The following LOXHD1 variants were observed in gnomAD, a reference collection of about 807,000 sequenced individuals.
LOXHD1 encodes lipoxygenase homology domain-containing protein 1.
In LOXHD1, 205 loss-of-function variants were observed where a neutral mutation model predicts 248.2. That is an observed-to-expected ratio of 0.83 (90% CI 0.74 to 0.93). The LOEUF (loss-of-function observed/expected upper bound fraction) is 0.93. Among genes scored for constraint, LOXHD1 ranks in the 40% least tolerant of loss-of-function variants. LOXHD1 has a pLI of 0.00. For synonymous variants in LOXHD1, 1,113 were observed against 1,162.8 expected (o/e 0.96, Z 0.87); for missense variants, 2,930 against 2,971.6 (o/e 0.99, Z 0.33).
rs548759916 is a variant in LOXHD1 at position 46,580,981 on chromosome 18, G to A, written c.1655-1197C>T. 4.6e-4 allele frequency among the ~76,000 whole-genome samples: 70 copies of A among 152,262 alleles called. No individual in the cohort carries two copies. In the South Asian group the frequency reaches 6.9e-3, roughly 15 times the overall value. On this transcript the variant is annotated intron_variant, in intron 12 of 40. Transcript: ENST00000642948. ...AGGAGCTGGATACATGGGGTGTAGC[G>A]GGTCAAGGTAAGAAGTGTGGCTTCC... is the stretch of plus-strand genomic sequence containing the variant.
rs1483184588 is a variant in LOXHD1, at chr18:46,571,078, G to A, written c.2047+1008C>T. ...TTGCCACAGGCATCTTATCTCCTGG[G>A]ATCCTTCCCAGATCTTAAATTCTGT... is the stretch of plus-strand genomic sequence containing the variant. On this transcript the variant is annotated intron_variant, in intron 15 of 40. Transcript: ENST00000642948. Among the ~76,000 whole-genome samples, 4 of 152,158 alleles carry A rather than the reference G, an allele frequency of 2.6e-5. No individual in the cohort carries two copies. The East Asian group carries it at 7.7e-4, about 29-fold the overall frequency.
intron 2 of LOXHD1, among the ~76,000 whole-genome samples, chr18:46,642,794 T>A (rs1312729999): frequency 6.6e-6 from 1 of 152,182 alleles, no homozygotes. Context: ...TGTCAACAGC[T>A]GTTCCATCCT....
chr18:46,624,415 G>T (rs575172328), intron 4 of LOXHD1, among the ~76,000 whole-genome samples: 2 of 152,352 alleles, frequency 1.3e-5, no homozygotes, highest in East Asian at 1.9e-4. Context: ...GTGGGGAGGG[G>T]TTGGTCCGCA....
intron 37 of LOXHD1, among the ~76,000 whole-genome samples, chr18:46,489,368 A>G (rs1482555774): frequency 6.6e-6 from 1 of 152,218 alleles, no homozygotes; most frequent in East Asian, 1.9e-4. Flanking sequence ...CTTTGGGTTC[A>G]TGAACCCTAG....
intron 37 of LOXHD1, among the ~76,000 whole-genome samples, chr18:46,499,785 G>A (rs2034109463): frequency 6.6e-6 from 1 of 152,078 alleles, no homozygotes; most frequent in African/African-American, 2.4e-5. Context: ...TACATACAGT[G>A]GCTTAAATAT....
chr18:46,577,211 G>A (rs1317634843), intron 14 of LOXHD1, among the ~76,000 whole-genome samples: 1 of 152,140 alleles, frequency 6.6e-6, no homozygotes, highest in Non-Finnish European at 1.5e-5. Flanking sequence ...AAGTCAATGG[G>A]AGCCCAAATG....
In LOXHD1 at chr18:46,533,242, G is replaced by A. The variant is rs1403788651; in HGVS notation, c.4295C>T (p.Pro1432Leu). The A allele has an allele frequency of 3.2e-6, 5 of 1,551,764 alleles. No individual in the cohort carries two copies. In the East Asian group the frequency reaches 1.2e-4, roughly 38 times the overall value. ...GTATTTCTCAGTGAAGATGTCATAT[G>A]GAACCAGTTCTCGAATGGTCTTTTT... ...DDKKTIRELV[P>L]YDIFTEKYMK... Residue 1432 changes from proline (P) to leucine (L), a missense_variant, in exon 28 of 41, where the codon CCA becomes CTA. Transcript: ENST00000642948.
intron 4 of LOXHD1, among the ~76,000 whole-genome samples, chr18:46,639,099 T>C (rs1380637120): frequency 6.6e-6 from 1 of 152,184 alleles, no homozygotes; most frequent in African/African-American, 2.4e-5. Context: ...ATTTAAGGCC[T>C]TTGCCCAGAG....
At chr18:46,490,562 G>A (rs887132551) in intron 37 of LOXHD1, among the ~76,000 whole-genome samples, 12 of 152,110 alleles carry the variant, frequency 7.9e-5, no homozygotes, top group South Asian at 2.1e-4. Flanking sequence ...CGCAACCTCC[G>A]CCTCCCAGGT....
At chr18:46,570,482 C>G (rs1321325454) in intron 15 of LOXHD1, among the ~76,000 whole-genome samples, 2 of 152,190 alleles carry the variant, frequency 1.3e-5, no homozygotes. Flanking sequence ...CACACCTTGC[C>G]TAGGGACCAG....
At chr18:46,535,005 G>A (rs977860443) in intron 26 of LOXHD1, among the ~76,000 whole-genome samples, 1 of 152,046 alleles carries the variant, frequency 6.6e-6, no homozygotes, top group Non-Finnish European at 1.5e-5. Context: ...ACCCATACCT[G>A]CTCAACCTCG....
At chr18:46,531,517 G>C (rs1285468880) in intron 28 of LOXHD1, among the ~76,000 whole-genome samples, 1 of 152,166 alleles carries the variant, frequency 6.6e-6, no homozygotes, top group African/African-American at 2.4e-5. Flanking sequence ...CTAGGAGCCT[G>C]TGTCCCAGAG....
chr18:46,542,344 C>A (rs1016347653), intron 24 of LOXHD1, among the ~76,000 whole-genome samples: 2 of 152,140 alleles, frequency 1.3e-5, no homozygotes, highest in African/African-American at 4.8e-5. Flanking sequence ...AGGAATGAAG[C>A]AATTGAATCA....
intron 4 of LOXHD1, among the ~76,000 whole-genome samples, chr18:46,631,041 A>C (rs1308537416): frequency 6.6e-6 from 1 of 152,136 alleles, no homozygotes; most frequent in Non-Finnish European, 1.5e-5. Flanking sequence ...CTTTATAATC[A>C]GATGTGTCTA....
intron 29 of LOXHD1, among the ~76,000 whole-genome samples, chr18:46,525,421 TA>T (rs761192675): frequency 6.6e-6 from 1 of 151,736 alleles, no homozygotes; most frequent in Non-Finnish European, 1.5e-5. Flanking sequence ...GATGAACCAG[TA>T]AGTCTGGGCT....
chr18:46,514,973 T>C (rs1051723181), intron 34 of LOXHD1, among the ~76,000 whole-genome samples: 2 of 152,262 alleles, frequency 1.3e-5, no homozygotes, highest in South Asian at 4.1e-4. Context: ...TAGGGCATCA[T>C]ATTTTCTGAA....
chr18:46,615,110 C>T (rs759292927), intron 5 of LOXHD1, among the ~76,000 whole-genome samples: 5 of 152,184 alleles, frequency 3.3e-5, no homozygotes, highest in Admixed American at 6.5e-5. Flanking sequence ...TGGACCCCAG[C>T]CTCTTTACTA....
At chr18:46,569,403 G>T in intron 16 of LOXHD1, 39 bp downstream of exon 16, 2 of 1,517,042 alleles carry the variant, frequency 1.3e-6, no homozygotes, top group Non-Finnish European at 1.8e-6. Context: ...TTCGGAAATG[G>T]GTGGGATGAT....
At chr18:46,520,354 C>T (rs1346319272) in intron 33 of LOXHD1, 1 of 470,532 alleles carries the variant, frequency 2.1e-6, no homozygotes, top group South Asian at 1.6e-5. Flanking sequence ...GATTCAGTAC[C>T]AGAGATAAGG....
Sources: gnomAD v4.1 joint callset for allele counts (sites outside exome capture counted in the v4.1 genomes callset) on GRCh38, gnomAD v4.1.1 for gene constraint, MANE v1.5 for transcripts, NCBI Gene and HGNC (gene_info 2026-07-23, HGNC 2026-07-21) for gene names.